Variants in EXT2 observed in about 807,000 individuals in gnomAD.
EXT2 encodes the protein exostosin-2.
In EXT2, 53 loss-of-function variants were observed where a neutral mutation model predicts 81.6. That is an observed-to-expected ratio of 0.65 (90% CI 0.52 to 0.82). The LOEUF (loss-of-function observed/expected upper bound fraction) is 0.82, where lower values mean the gene tolerates loss of function less well. Ranked by LOEUF, EXT2 falls within the 40% of genes least tolerant of loss-of-function variation. The pLI is 0.00. For missense variants in EXT2, 774 were observed against 910.2 expected, an observed-to-expected ratio of 0.85 and a Z score of 1.93; for synonymous variants, 320 against 340.0, an observed-to-expected ratio of 0.94 and a Z score of 0.65.
At position 44,109,201 on chromosome 11, in the gene EXT2, C is replaced by T. The variant is rs886039358; in HGVS notation, c.544C>T (p.Arg182Ter). 2.5e-6 allele frequency: 4 copies of T among 1,613,850 alleles called. No individual in the cohort carries two copies. Among genetic ancestry groups the T allele is most frequent in the African/African-American group, 1.3e-5 (1 of 74,896 alleles). The change falls in exon 3 of 14, where the codon CGA (arginine) becomes TGA (stop). Residue 182 changes from arginine (R) to a stop codon, truncating the protein, a stop_gained. Coordinates refer to ENST00000533608, the MANE Select transcript of EXT2 (RefSeq NM_207122.2). LOFTEE classifies it high-confidence loss of function. Reference protein sequence around the residue: ...QAMAQLSRWDRGTNHLLFNML... With the variant: ...QAMAQLSRWD ...TTTTAAATTTCTTGACAGGTGGGAT[C>T]GAGGTACGAATCACCTGTTGTTCAA... is the stretch of plus-strand genomic sequence containing the variant.
At chr11:44,240,002 A>G (rs1239236151) in intron 13 of EXT2, among the ~76,000 whole-genome samples, 1 of 152,128 alleles carries the variant, frequency 6.6e-6, no homozygotes, top group East Asian at 1.9e-4. Context: ...TACAATCCCT[A>G]ATACAACATA....
At chr11:44,151,539 T>C (rs951232085) in intron 7 of EXT2, among the ~76,000 whole-genome samples, 2 of 152,220 alleles carry the variant, frequency 1.3e-5, no homozygotes. Context: ...CCTCCATGTG[T>C]CTTCATGGCT....
At chr11:44,242,958 T>G (rs1316140954) in intron 13 of EXT2, among the ~76,000 whole-genome samples, 1 of 152,208 alleles carries the variant, frequency 6.6e-6, no homozygotes, top group Non-Finnish European at 1.5e-5. Flanking sequence ...ATTAAATGCA[T>G]TATTAATGCA....
intron 11 of EXT2, among the ~76,000 whole-genome samples, chr11:44,233,102 A>G (rs1238505753): frequency 6.6e-6 from 1 of 152,160 alleles, no homozygotes; most frequent in African/African-American, 2.4e-5. Flanking sequence ...AAGGGCATGA[A>G]TATTTTGGGT....
Position 44,230,165 on chromosome 11 carries a change from C to T in EXT2, c.1663-2188C>T, listed in dbSNP as rs573887702. 4.6e-5 allele frequency among the ~76,000 whole-genome samples: 7 copies of T among 152,118 alleles called. No homozygotes were observed. In the South Asian group the frequency reaches 6.2e-4, roughly 14 times the overall value. On this transcript the variant is annotated intron_variant, in intron 10 of 13. Transcript: ENST00000533608. ...ACAGGGACCTGACAGATGAGAAGGACCCAAGCCTTTGGAAGAGCTGGAAGA... is the reference window on the plus strand; with the variant it reads ...ACAGGGACCTGACAGATGAGAAGGATCCAAGCCTTTGGAAGAGCTGGAAGA...
intron 8 of EXT2, among the ~76,000 whole-genome samples, chr11:44,174,997 G>A (rs1955138289): frequency 6.6e-6 from 1 of 152,174 alleles, no homozygotes; most frequent in Non-Finnish European, 1.5e-5. Context: ...TCTTACATAA[G>A]GCATTGGAGT....
chr11:44,206,203 A>T (rs1163458516), intron 9 of EXT2, among the ~76,000 whole-genome samples: 1 of 152,320 alleles, frequency 6.6e-6, no homozygotes, highest in East Asian at 1.9e-4. Flanking sequence ...TGAGTGGTGG[A>T]TTTTAGCGGC....
At chr11:44,202,165 A>G (rs1390471511) in intron 9 of EXT2, among the ~76,000 whole-genome samples, 1 of 152,148 alleles carries the variant, frequency 6.6e-6, no homozygotes, top group South Asian at 2.1e-4. Context: ...CCTGCACCCC[A>G]TATCATCCTC....
chr11:44,180,232 G>A (rs1955216437), intron 8 of EXT2, among the ~76,000 whole-genome samples: 1 of 152,058 alleles, frequency 6.6e-6, no homozygotes, highest in African/African-American at 2.4e-5. Flanking sequence ...TTTACTTCAA[G>A]TTAGCACTTT....
intron 7 of EXT2, among the ~76,000 whole-genome samples, chr11:44,170,631 G>A (rs528550594): frequency 6.6e-6 from 1 of 152,254 alleles, no homozygotes; most frequent in East Asian, 1.9e-4. Context: ...TATTACAATA[G>A]ATTCTACAGG....
In EXT2 at chr11:44,220,919, A is replaced by G. The variant is rs1366389664; in HGVS notation, c.1663-11434A>G. On this transcript the variant is annotated intron_variant, in intron 10 of 13. Transcript: ENST00000533608. This position sits in a 1 kb window ranked among gnomAD's most constrained non-coding sequence, Gnocchi z 4.4. ...TGGAGAACAAGTCAAACAAATGTTA[A>G]GGGAAGGAAATCAAATATGTTTGCT... Among the ~76,000 whole-genome samples, 3 of 152,236 alleles carry G rather than the reference A, an allele frequency of 2.0e-5. No homozygotes were observed. Among genetic ancestry groups the G allele is most frequent in the Admixed American group, 2.0e-4 (3 of 15,284 alleles).
intron 10 of EXT2, among the ~76,000 whole-genome samples, chr11:44,214,418 CT>C (rs1955692574): frequency 6.6e-6 from 1 of 152,132 alleles, no homozygotes; most frequent in Non-Finnish European, 1.5e-5. Flanking sequence ...CCGGCCGTAA[CT>C]TTTTTCTTCT....
intron 1 of EXT2, 68 bp from the exon 2 acceptor site, chr11:44,107,615 T>C: frequency 7.0e-7 from 1 of 1,430,482 alleles, no homozygotes. Flanking sequence ...AAAGGTTGAA[T>C]AGTCTTTTCA....
At chr11:44,232,996 G>A (rs557704213) in intron 11 of EXT2, among the ~76,000 whole-genome samples, 3 of 152,122 alleles carry the variant, frequency 2.0e-5, no homozygotes, top group South Asian at 2.1e-4. Context: ...TTTAAATAAC[G>A]CTTAATATCT....
chr11:44,223,810 C>T (rs1483975502), intron 10 of EXT2, among the ~76,000 whole-genome samples: 2 of 152,024 alleles, frequency 1.3e-5, no homozygotes, highest in Admixed American at 1.3e-4. Context: ...GCCACTAGGC[C>T]CGGCTAATTT....
intron 13 of EXT2, among the ~76,000 whole-genome samples, chr11:44,236,691 G>A (rs1438524828): frequency 6.6e-6 from 1 of 152,154 alleles, no homozygotes; most frequent in East Asian, 1.9e-4. Flanking sequence ...TTAATTCCAA[G>A]GAAATACTGG....
At chr11:44,120,520 CA>C (rs745502849) in intron 4 of EXT2, among the ~76,000 whole-genome samples, 7 of 151,122 alleles carry the variant, frequency 4.6e-5, no homozygotes, top group Non-Finnish European at 7.4e-5. Context: ...AAAACCAAGA[CA>C]AAAAAAAATT....
At chr11:44,233,156 T>C (rs1955919294) in intron 11 of EXT2, among the ~76,000 whole-genome samples, 1 of 152,170 alleles carries the variant, frequency 6.6e-6, no homozygotes, top group South Asian at 2.1e-4. Flanking sequence ...CACATATACA[T>C]ATATATGTTG....
rs140577341 is a variant in EXT2 at position 44,121,579 on chromosome 11, C to T, written c.744-3210C>T. ...TCATCAAACTTCTGTTGCCCCCCTG[C>T]CCCCACACTGCACAGAGGCCTTCCC... On this transcript the variant is annotated intron_variant, in intron 4 of 13. Transcript: ENST00000533608. Among the ~76,000 whole-genome samples the T allele has an allele frequency of 1.2e-3, 185 of 151,846 alleles. 2 individuals are homozygous for T. The highest frequency in any genetic ancestry group is 4.4e-3 in the African/African-American group (182 of 41,366).
Sources: gnomAD v4.1 joint callset for allele counts (sites outside exome capture counted in the v4.1 genomes callset) on GRCh38, gnomAD v4.1.1 for gene constraint, Gnocchi (gnomAD v3.1) non-coding constraint, MANE v1.5 for transcripts, NCBI Gene and HGNC (gene_info 2026-07-23, HGNC 2026-07-21) for gene names.